ETFDH: variants seen among roughly 807,000 people sequenced by gnomAD.
The protein encoded by ETFDH is electron transfer flavoprotein-ubiquinone oxidoreductase, mitochondrial.
Under a neutral mutation model 73.2 loss-of-function variants are expected in ETFDH, and 61 were observed. That is an observed-to-expected ratio of 0.83 (90% confidence interval 0.68 to 1.03). The LOEUF is 1.03. Among genes scored for constraint, ETFDH ranks in the 50% least tolerant of loss-of-function variants. The pLI is 0.00. For synonymous variants in ETFDH, 243 were observed against 253.3 expected, an observed-to-expected ratio of 0.96 and a Z score of 0.39; for missense variants, 685 against 745.0, an observed-to-expected ratio of 0.92 and a Z score of 0.94.
chr4:158,682,461 T>C, intron 3 of ETFDH, 37 bp downstream of exon 3: 1 of 1,479,552 alleles, frequency 6.8e-7, no homozygotes, highest in Non-Finnish European at 9.4e-7. Flanking sequence ...GTCTAATCTT[T>C]TGTAATTGTA....
At chr4:158,684,415 G>T (rs1773946541) in intron 3 of ETFDH, among the ~76,000 whole-genome samples, 177 bp from the exon 4 acceptor site, 1 of 149,318 alleles carries the variant, frequency 6.7e-6, no homozygotes, top group East Asian at 2.0e-4. Context: ...AAAGATTTCT[G>T]TACATCTCAG....
At position 158,690,367 on chromosome 4, in the gene ETFDH, G is replaced by A. The variant is rs2150308979; in HGVS notation, c.626G>A (p.Gly209Asp). 6.3e-7 allele frequency: 1 copy of A among 1,593,656 alleles called. No homozygotes were observed. The highest frequency in any genetic ancestry group is 8.6e-7 in the Non-Finnish European group (1 of 1,161,488). The change falls in exon 6 of 13, where the codon GGT becomes GAT. Residue 209 changes from glycine (G) to aspartate (D), a missense_variant. Gly to Asp is a moderately conservative substitution (Grantham distance 94, BLOSUM62 -1). Around this residue, in one of 3 missense-constraint regions of ETFDH, gnomAD observed 405 missense variants for 399.3 expected, o/e 1.01. Coordinates refer to ENST00000511912, the MANE Select transcript of ETFDH (RefSeq NM_004453.4). ...AAAEVLFHDD[G>D]SVKGIATNDV... ...TTTTAGGTCCTTTTTCATGATGATG[G>A]TAGTGTAAAAGGAATTGCCACTAAC...
At chr4:158,677,755 T>G (rs564641680) in intron 1 of ETFDH, among the ~76,000 whole-genome samples, 103 of 152,268 alleles carry the variant, frequency 6.8e-4, no homozygotes, top group South Asian at 1.5e-3. Context: ...ATGTCTAAAC[T>G]CCAAAAGGGA....
chr4:158,706,722 C>T lies in ETFDH; in HGVS notation c.1562C>T (p.Ser521Phe). The part of the protein sequence containing the change: ...DGQISFDLLS[S>F]VALSGTNHEH... ...CAGATCAGTTTTGACCTCTTGTCAT[C>T]TGTGGCTCTGAGTGGTACTAATCAT... is the stretch of plus-strand genomic sequence containing the variant. Residue 521 changes from serine (S) to phenylalanine (F), a missense_variant, in exon 12 of 13, where the codon TCT becomes TTT. Physicochemically the swap from Ser to Phe is radical, Grantham distance 155. Transcript: ENST00000511912. 2 of 1,613,884 alleles carry T rather than the reference C, an allele frequency of 1.2e-6. No individual in the cohort carries two copies. Among genetic ancestry groups the T allele is most frequent in the South Asian group, 1.1e-5 (1 of 91,082 alleles).
chr4:158,685,521 C>T (rs778773579), intron 5 of ETFDH, among the ~76,000 whole-genome samples: 1 of 152,124 alleles, frequency 6.6e-6, no homozygotes, highest in Non-Finnish European at 1.5e-5. Context: ...CTATCCAGAA[C>T]AAATCTATGC....
At chr4:158,672,749 C>G (rs1472881927) in intron 1 of ETFDH, among the ~76,000 whole-genome samples, 1 of 152,108 alleles carries the variant, frequency 6.6e-6, no homozygotes, top group South Asian at 2.1e-4. Flanking sequence ...ATCACCACCA[C>G]CTGTCAACAC....
chr4:158,679,085 C>T (rs892391102), intron 1 of ETFDH, among the ~76,000 whole-genome samples: 33 of 152,182 alleles, frequency 2.2e-4, no homozygotes, highest in African/African-American at 7.5e-4. Flanking sequence ...AATGAGTAAC[C>T]ATTTCTTCTC....
rs375086504 is a variant in ETFDH at position 158,682,437 on chromosome 4, G to T, written c.405+13G>T. ...GAAAGAGAAGGGGGTATGAAAAATT[G>T]TTTTTTATACAAAGTCTAATCTTTT... is the stretch of plus-strand genomic sequence containing the variant. On this transcript the variant is annotated intron_variant, in intron 3 of 12. Coordinates refer to ENST00000511912, the MANE Select transcript of ETFDH (RefSeq NM_004453.4). 4.0e-5 allele frequency: 64 copies of T among 1,596,302 alleles called. No individual in the cohort carries two copies. Among genetic ancestry groups the T allele is most frequent in the Non-Finnish European group, 5.2e-5 (60 of 1,164,502 alleles).
chr4:158,684,351 C>T (rs1773943740), intron 3 of ETFDH, among the ~76,000 whole-genome samples: 1 of 146,970 alleles, frequency 6.8e-6, no homozygotes, highest in Admixed American at 6.9e-5. Flanking sequence ...GATTGCACCA[C>T]TGCACTCCAG....
Position 158,690,430 on chromosome 4 carries a change from A to G in ETFDH, c.684+5A>G, listed in dbSNP as rs1377187154. 4 of 1,516,718 alleles carry G rather than the reference A, an allele frequency of 2.6e-6. No homozygotes were observed. Among genetic ancestry groups the G allele is most frequent in the Non-Finnish European group, 3.7e-6 (4 of 1,091,124 alleles). The allele number at this position is 1,516,718 out of a possible 1,614,324, so 94.0% of individuals were successfully genotyped here. On this transcript the variant is annotated splice_donor_5th_base_variant and intron_variant, in intron 6 of 12. Coordinates refer to ENST00000511912, the MANE Select transcript of ETFDH (RefSeq NM_004453.4). Reference sequence around the variant, plus strand: ...CAAAAGGATGGTGCACCAAAGGTAAACCTTTTTAATAGTTACGTGCTTAAT... The same window carrying G: ...CAAAAGGATGGTGCACCAAAGGTAAGCCTTTTTAATAGTTACGTGCTTAAT...
intron 9 of ETFDH, 124 bp from the exon 10 acceptor site, chr4:158,703,299 T>A: frequency 1.4e-6 from 1 of 728,930 alleles, no homozygotes; most frequent in Non-Finnish European, 2.4e-6. Context: ...CTCAATTCAT[T>A]TTCATGTATT....
At chr4:158,685,047 TG>T (rs1189503298) in intron 4 of ETFDH, 53 bp from the exon 5 acceptor site, 6 of 1,015,750 alleles carry the variant, frequency 5.9e-6, no homozygotes, top group Non-Finnish European at 9.3e-6. Context: ...TTTATGTTTT[TG>T]TAATGTCTTA....
At chr4:158,681,339 AT>A (rs1176603956) in intron 2 of ETFDH, among the ~76,000 whole-genome samples, 2 of 152,180 alleles carry the variant, frequency 1.3e-5, no homozygotes, top group Non-Finnish European at 2.9e-5. Flanking sequence ...TATAAAAACC[AT>A]TTTTTGTACA....
At chr4:158,701,659 CCTCT>C (rs140630217) in intron 9 of ETFDH, among the ~76,000 whole-genome samples, 126 of 152,346 alleles carry the variant, frequency 8.3e-4, no homozygotes, top group Admixed American at 1.5e-3. Flanking sequence ...TTAGCTCCCT[CCTCT>C]GAGTCCCTCT....
At chr4:158,688,888 CG>C (rs1463339629) in intron 5 of ETFDH, among the ~76,000 whole-genome samples, 8 of 152,066 alleles carry the variant, frequency 5.3e-5, no homozygotes, top group African/African-American at 9.7e-5. Context: ...TAAAATATCT[CG>C]TTTTTTTGTT....
Position 158,698,996 on chromosome 4 carries a change from G to C in ETFDH, c.982G>C (p.Asp328His), listed in dbSNP as rs2150312210. ...LVALGLVVGL[D>H]YQNPYLSPFR... ...AGTGTAAATTTTTAAGGTTGGTCTA[G>C]ACTATCAGAATCCATACCTGAGTCC... The change falls in exon 9 of 13, where the codon GAC (aspartate) becomes CAC (histidine). Residue 328 changes from aspartate (D) to histidine (H), a missense_variant. By Grantham distance (81) the Asp-to-His change is moderately conservative (BLOSUM62 -1). Around this residue, in one of 3 missense-constraint regions of ETFDH, gnomAD observed 405 missense variants for 399.3 expected, o/e 1.01. Coordinates refer to ENST00000511912, the MANE Select transcript of ETFDH (RefSeq NM_004453.4). 1 of 1,604,452 alleles carries C rather than the reference G, an allele frequency of 6.2e-7. No individual in the cohort carries two copies.
chr4:158,686,431 A>G (rs1319445328), intron 5 of ETFDH, among the ~76,000 whole-genome samples: 2 of 152,238 alleles, frequency 1.3e-5, no homozygotes, highest in African/African-American at 4.8e-5. Flanking sequence ...ATAAGAATGG[A>G]CAGCCATGTT....
intron 1 of ETFDH, 78 bp downstream of exon 1, chr4:158,672,568 A>AC: frequency 1.4e-6 from 2 of 1,383,398 alleles, no homozygotes; most frequent in Non-Finnish European, 2.1e-6. Context: ...GGCTGTAGGC[A>AC]CCTCTCGCCC....
In ETFDH at chr4:158,699,202, T is replaced by C. The variant is rs78126162; in HGVS notation, c.1116+72T>C. 64,711 of 1,286,224 alleles carry C rather than the reference T, an allele frequency of 0.05. 2,416 individuals are homozygous for C. Among genetic ancestry groups the C allele is most frequent in the Admixed American group, 0.17 (10,069 of 58,818 alleles). 79.7% of individuals were successfully genotyped at this position (1,286,224 alleles called of 1,614,324 possible). Reference sequence around the variant, plus strand: ...AGAATTGAACATATAATGTAACAAATTTAGATAAAGAATAAAAACAATATT... The same window carrying C: ...AGAATTGAACATATAATGTAACAAACTTAGATAAAGAATAAAAACAATATT... On this transcript the variant is annotated intron_variant, in intron 9 of 12. Transcript: ENST00000511912.
Sources: gnomAD v4.1 joint callset for allele counts (sites outside exome capture counted in the v4.1 genomes callset) on GRCh38, gnomAD v4.1.1 for gene constraint, gnomAD v4.1.1 regional missense constraint, MANE v1.5 for transcripts, NCBI Gene and HGNC (gene_info 2026-07-23, HGNC 2026-07-21) for gene names.